Variants in CYP4X1 observed in about 807,000 individuals in gnomAD.
The protein encoded by CYP4X1 is cytochrome P450 family 4 subfamily X member 1.
A neutral mutation model predicts 57.9 loss-of-function variants in CYP4X1; 44 were observed. The observed-to-expected ratio is 0.76, with a 90% CI of 0.60 to 0.98. The LOEUF is 0.98. CYP4X1 is among the 50% of genes least tolerant of loss of function. The probability of loss-of-function intolerance (pLI) is 0.00; values close to 1 mark genes in which losing one functional copy is unlikely to be tolerated. For synonymous variants in CYP4X1, 227 were observed against 228.6 expected (o/e 0.99, Z 0.06); for missense variants, 532 against 623.9 (o/e 0.85, Z 1.57).
chr1:46,993,894 G>T, the CYP4X1 span, among the ~76,000 whole-genome samples: 1 of 152,166 alleles, frequency 6.6e-6, no homozygotes, highest in Non-Finnish European at 1.5e-5. Flanking sequence ...TATTCACTCT[G>T]ATGGTAGTTT....
At chr1:47,020,987 T>C (rs748671050), upstream of CYP4X1, among the ~76,000 whole-genome samples, 3 of 151,836 alleles carry the variant, frequency 2.0e-5, no homozygotes, top group East Asian at 1.9e-4. Flanking sequence ...CAGATGAGCA[T>C]TGGGAGAGGC....
Position 47,046,539 on chromosome 1 carries a change from G to C in CYP4X1, c.1146G>C (p.Pro382=), listed in dbSNP as rs61742240. The change falls in exon 9 of 12, where the codon CCG becomes CCC. Residue 382 remains proline (P), a synonymous_variant. Transcript: ENST00000371901. Reference sequence around the variant, plus strand: ...CGTGCCGATTGATTCCTGCAGTCCCGTCCATTTCCAGAGATCTCAGCAAGC... The same window carrying C: ...CGTGCCGATTGATTCCTGCAGTCCCCTCCATTTCCAGAGATCTCAGCAAGC... ...KETCRLIPAV[P]SISRDLSKPL... 7.4e-4 allele frequency: 1,190 copies of C among 1,614,044 alleles called. 5 individuals are homozygous for C. The African/African-American group carries it at 0.014, about 19-fold the overall frequency.
chr1:46,963,141 G>C, the CYP4X1 span, among the ~76,000 whole-genome samples: 1 of 152,126 alleles, frequency 6.6e-6, no homozygotes, highest in Non-Finnish European at 1.5e-5. Context: ...TTGAGCCTAT[G>C]TGTGTCTCCA....
chr1:46,961,863 G>T, the CYP4X1 span: 1 of 960,906 alleles, frequency 1.0e-6, no homozygotes, highest in Non-Finnish European at 1.4e-6. Flanking sequence ...AGACAACCTG[G>T]CCTCTTTGTG....
chr1:46,973,989 A>C, the CYP4X1 span, among the ~76,000 whole-genome samples: 1 of 150,904 alleles, frequency 6.6e-6, no homozygotes, highest in Non-Finnish European at 1.5e-5. Context: ...TTTGTTTTTC[A>C]AGTTTCTCTA....
chr1:47,026,819 G>A (rs1382041538), intron 1 of CYP4X1, among the ~76,000 whole-genome samples: 1 of 152,042 alleles, frequency 6.6e-6, no homozygotes, highest in Non-Finnish European at 1.5e-5. Context: ...TCGGATTCAA[G>A]CGATTCTCCT....
At chr1:47,021,123 G>C (rs1643990704), upstream of CYP4X1, among the ~76,000 whole-genome samples, 1 of 96,332 alleles carries the variant, frequency 1.0e-5, no homozygotes, top group Admixed American at 1.7e-4. Flanking sequence ...CAATTCAGTA[G>C]ATATTTGTGC....
chr1:47,023,649 AGGCCTGAG>A, upstream of CYP4X1: 1 of 1,393,494 alleles, frequency 7.2e-7, no homozygotes, highest in Admixed American at 3.0e-5. Context: ...TCCTCTCCCC[AGGCCTGAG>A]CTGCCCCTCC....
At chr1:46,980,635 A>C in the CYP4X1 span, among the ~76,000 whole-genome samples, 1 of 152,240 alleles carries the variant, frequency 6.6e-6, no homozygotes, top group Non-Finnish European at 1.5e-5. Context: ...GCTACTTTAA[A>C]GTTCATATGG....
chr1:47,007,267 A>G, the CYP4X1 span, among the ~76,000 whole-genome samples: 1 of 152,180 alleles, frequency 6.6e-6, no homozygotes, highest in Non-Finnish European at 1.5e-5. Context: ...TTTGCTGTTC[A>G]CCAACATCCG....
At chr1:47,037,286 T>C (rs1644194855) in intron 6 of CYP4X1, among the ~76,000 whole-genome samples, 1 of 147,978 alleles carries the variant, frequency 6.8e-6, no homozygotes, top group Admixed American at 6.7e-5. Context: ...TTTTTTTTTT[T>C]TTTTTTTGAG....
intron 2 of CYP4X1, among the ~76,000 whole-genome samples, chr1:47,031,196 A>G (rs1418564397): frequency 6.6e-6 from 1 of 152,244 alleles, no homozygotes; most frequent in Non-Finnish European, 1.5e-5. Context: ...AGTGTAAACA[A>G]GGGAATAATC....
upstream of CYP4X1, among the ~76,000 whole-genome samples, chr1:47,021,474 C>A (rs1333409509): frequency 6.6e-6 from 1 of 152,094 alleles, no homozygotes; most frequent in Admixed American, 6.5e-5. Context: ...TCTAATTATC[C>A]CCCTCTAGGC....
At chr1:47,046,347 C>T in intron 8 of CYP4X1, 120 bp from the exon 9 acceptor site, 1 of 1,381,374 alleles carries the variant, frequency 7.2e-7, no homozygotes, top group Non-Finnish European at 9.9e-7. Context: ...CATTCTGTTA[C>T]ATAAACCAGT....
At chr1:46,987,858 C>T in the CYP4X1 span, among the ~76,000 whole-genome samples, 25 of 152,178 alleles carry the variant, frequency 1.6e-4, no homozygotes, top group African/African-American at 5.5e-4. Flanking sequence ...CAAAACATAC[C>T]AGAATCACTG....
chr1:46,978,422 A>C, the CYP4X1 span, among the ~76,000 whole-genome samples: 2 of 152,316 alleles, frequency 1.3e-5, no homozygotes, highest in African/African-American at 2.4e-5. Context: ...CAACAAGAAG[A>C]GCTAACTATT....
intron 8 of CYP4X1, among the ~76,000 whole-genome samples, chr1:47,045,031 G>A (rs1644286656): frequency 6.6e-6 from 1 of 152,080 alleles, no homozygotes; most frequent in African/African-American, 2.4e-5. Context: ...CTCCATGTTG[G>A]TCAGGCTGGT....
chr1:46,970,921 A>G, the CYP4X1 span, among the ~76,000 whole-genome samples: 1 of 152,242 alleles, frequency 6.6e-6, no homozygotes, highest in African/African-American at 2.4e-5. Context: ...GTTGTCCATT[A>G]TATGTTTTTT....
upstream of CYP4X1, among the ~76,000 whole-genome samples, chr1:47,020,935 C>A (rs896500778): frequency 6.6e-6 from 1 of 151,896 alleles, no homozygotes; most frequent in African/African-American, 2.4e-5. Context: ...TACTCATTGG[C>A]CTTCATTTCT....
Sources: gnomAD v4.1 joint callset for allele counts (sites outside exome capture counted in the v4.1 genomes callset) on GRCh38, gnomAD v4.1.1 for gene constraint, MANE v1.5 for transcripts, NCBI Gene and HGNC (gene_info 2026-07-23, HGNC 2026-07-21) for gene names.